POLA1: variants seen among roughly 807,000 people sequenced by gnomAD.
POLA1 encodes DNA polymerase alpha catalytic subunit.
In POLA1, 15 loss-of-function variants were observed where a neutral mutation model predicts 124.0. The observed-to-expected ratio is 0.12, with a 90% CI of 0.08 to 0.19. The LOEUF (loss-of-function observed/expected upper bound fraction) is 0.19, where lower values mean the gene tolerates loss of function less well. Ranked by LOEUF, POLA1 falls within the 10% of genes least tolerant of loss-of-function variation. The pLI, the probability that POLA1 is intolerant of heterozygous loss-of-function variation, is 1.00. For missense variants in POLA1, 886 were observed against 1,103.4 expected (o/e 0.80, Z 2.79); for synonymous variants, 408 against 389.4 (o/e 1.05, Z -0.56).
intron 35 of POLA1, 116 bp downstream of exon 35, chrX:24,888,238 C>A: frequency 2.4e-6 from 1 of 421,582 alleles, no homozygotes; most frequent in Non-Finnish European, 4.1e-6. Flanking sequence ...TATGCATATA[C>A]TAATCTTATT....
At chrX:24,951,445 A>G (rs1601902573) in intron 36 of POLA1, among the ~76,000 whole-genome samples, 1 of 99,558 alleles carries the variant, frequency 1.0e-5, no homozygotes. Flanking sequence ...ACTCTGCAGC[A>G]CTCTTTTTTA....
At position 24,995,916 on chromosome X, in the gene POLA1, G is replaced by A; in HGVS notation, c.4373G>A (p.Ser1458Asn). ...AGTGGCTACTCCGAAGTGAATCTGA[G>A]CAAACTCTTCGCTGGTTGTGCCGTG... ...SRSGYSEVNL[S>N]KLFAGCAVKS The change falls in exon 37 of 37, where the codon AGC becomes AAC. Residue 1458 changes from serine (S) to asparagine (N), a missense_variant. Physicochemically the swap from Ser to Asn is conservative, Grantham distance 46. This residue lies in a region of POLA1 where 313 missense variants were observed against 359.7 expected (regional missense o/e 0.87). Transcript: ENST00000379068. The A allele has an allele frequency of 8.3e-7, 1 of 1,210,822 alleles. No homozygotes were observed. The highest frequency in any genetic ancestry group is 1.1e-6 in the Non-Finnish European group (1 of 894,983).
chrX:24,809,806 G>A (rs2045868101), intron 26 of POLA1, 92 bp from the exon 27 acceptor site: 1 of 519,425 alleles, frequency 1.9e-6, no homozygotes, highest in South Asian at 3.7e-5. Context: ...ACATGGAAAT[G>A]GCAAATCATT....
At chrX:24,931,395 C>T (rs923316203) in intron 36 of POLA1, among the ~76,000 whole-genome samples, 2 of 111,785 alleles carry the variant, frequency 1.8e-5, no homozygotes, top group African/African-American at 6.5e-5. Flanking sequence ...TAGATTTCCC[C>T]GCATAAGAAT....
At chrX:24,698,372 T>A (rs1928169900) in intron 1 of POLA1, among the ~76,000 whole-genome samples, 1 of 112,205 alleles carries the variant, frequency 8.9e-6, no homozygotes, top group African/African-American at 3.2e-5. Flanking sequence ...TTTAAGTCCC[T>A]GTAGTTGTTT....
intron 35 of POLA1, among the ~76,000 whole-genome samples, chrX:24,899,420 G>A (rs1430605852): frequency 9.0e-6 from 1 of 111,730 alleles, no homozygotes; most frequent in Non-Finnish European, 1.9e-5. Context: ...GCCAGGGACA[G>A]GGAGGGCAGC....
chrX:24,757,882 A>C (rs1358568068), intron 26 of POLA1, among the ~76,000 whole-genome samples: 1 of 111,837 alleles, frequency 8.9e-6, no homozygotes, highest in Non-Finnish European at 1.9e-5. Context: ...TCTGGTTCCA[A>C]GCATTTCGGA....
At chrX:24,793,965 GTTTCTT>G (rs960267026) in intron 26 of POLA1, among the ~76,000 whole-genome samples, 1 of 110,257 alleles carries the variant, frequency 9.1e-6, no homozygotes, top group Non-Finnish European at 1.9e-5. Flanking sequence ...ATGCCCTTTT[GTTTCTT>G]TTTCTTTTTC....
chrX:24,934,038 C>T (rs988264613), intron 36 of POLA1, among the ~76,000 whole-genome samples: 1 of 111,869 alleles, frequency 8.9e-6, no homozygotes, highest in Non-Finnish European at 1.9e-5. Context: ...GGCGGTTTTA[C>T]AGGAACATAG....
intron 36 of POLA1, among the ~76,000 whole-genome samples, chrX:24,983,783 A>G (rs1216119032): frequency 8.9e-6 from 1 of 111,889 alleles, no homozygotes; most frequent in East Asian, 2.8e-4. Flanking sequence ...AGATGAATCC[A>G]TTGTGTAGAT....
In POLA1 at chrX:24,821,341, ATTTT is replaced by A. The variant is rs924602344; in HGVS notation, c.3430-108_3430-105del. 3 of 554,332 alleles carry A rather than the reference ATTTT, an allele frequency of 5.4e-6. No individual in the cohort carries two copies. In the African/African-American group the frequency reaches 7.1e-5, roughly 13 times the overall value. The allele number at this position is 554,332 out of a possible 1,213,427, so 45.7% of individuals were successfully genotyped here. ...ATATTTTCTACATACAGCTTCTGTC[ATTTT>A]TTATGTTTATGTGGCTAGTATGATT... On this transcript the variant is annotated intron_variant, in intron 30 of 36. Coordinates refer to ENST00000379068, the MANE Select transcript of POLA1 (RefSeq NM_001330360.2).
At chrX:24,696,464 C>T (rs1416843396) in intron 1 of POLA1, among the ~76,000 whole-genome samples, 1 of 112,023 alleles carries the variant, frequency 8.9e-6, no homozygotes, top group Non-Finnish European at 1.9e-5. Flanking sequence ...GCTGTTGCTA[C>T]TTGTAGAATC....
chrX:24,789,883 T>G (rs1382827406), intron 26 of POLA1, among the ~76,000 whole-genome samples: 2 of 111,720 alleles, frequency 1.8e-5, no homozygotes, highest in Non-Finnish European at 3.8e-5. Context: ...AATTTACATT[T>G]AAAGCTGAAG....
chrX:24,977,809 G>A (rs1423352400), intron 36 of POLA1, among the ~76,000 whole-genome samples: 1 of 111,594 alleles, frequency 9.0e-6, no homozygotes, highest in Admixed American at 9.5e-5. Context: ...AGCTGGCTTC[G>A]GGCATCTGGA....
intron 35 of POLA1, among the ~76,000 whole-genome samples, chrX:24,911,241 AC>A (rs2047445357): frequency 8.9e-6 from 1 of 112,037 alleles, no homozygotes; most frequent in Non-Finnish European, 1.9e-5. Context: ...GTACTGTAAT[AC>A]AAAGTAGGTC....
chrX:24,798,830 A>G (rs1309404067), intron 26 of POLA1, among the ~76,000 whole-genome samples: 1 of 111,202 alleles, frequency 9.0e-6, no homozygotes, highest in Non-Finnish European at 1.9e-5. Context: ...ACATGTGTCT[A>G]CAACACATGT....
At chrX:24,766,633 T>C (rs956174993) in intron 26 of POLA1, among the ~76,000 whole-genome samples, 3 of 111,425 alleles carry the variant, frequency 2.7e-5, no homozygotes, top group Non-Finnish European at 5.7e-5. Flanking sequence ...ATCTCAAAAT[T>C]TGGAGATGAT....
At chrX:24,780,313 G>A (rs1452488281) in intron 26 of POLA1, among the ~76,000 whole-genome samples, 1 of 112,521 alleles carries the variant, frequency 8.9e-6, no homozygotes, top group Non-Finnish European at 1.9e-5. Context: ...GCCAACGCAT[G>A]TTGGTCCAGT....
rs2048107711 is a variant in POLA1 at position 24,956,445 on chromosome X, G to A, written c.4261+25896G>A. 2.7e-5 allele frequency among the ~76,000 whole-genome samples: 3 copies of A among 109,813 alleles called. No homozygotes were observed. The South Asian group carries it at 1.2e-3, about 43-fold the overall frequency. On this transcript the variant is annotated intron_variant, in intron 36 of 36. Coordinates refer to ENST00000379068, the MANE Select transcript of POLA1 (RefSeq NM_001330360.2). ...TATAGATTAGTGTAGGGGAAAAACC[G>A]AAAGTTGAAGGACCATTTAAAAAGG...
Sources: allele counts gnomAD v4.1 joint callset (sites outside exome capture counted in the v4.1 genomes callset), GRCh38; gene constraint gnomAD v4.1.1; regional missense constraint gnomAD v4.1.1; transcripts MANE v1.5; gene names NCBI Gene and HGNC (gene_info 2026-07-23, HGNC 2026-07-21).